ANTXR1: variants seen among roughly 807,000 people sequenced by gnomAD.
The protein encoded by ANTXR1 is anthrax toxin receptor 1.
In ANTXR1, 19 loss-of-function variants were observed where a neutral mutation model predicts 78.1. That is an observed-to-expected ratio of 0.24 (90% confidence interval 0.17 to 0.36). The LOEUF is 0.36. ANTXR1 is among the 10% of genes least tolerant of loss of function. The pLI, the probability that ANTXR1 is intolerant of heterozygous loss-of-function variation, is 1.00. For missense variants in ANTXR1, 518 were observed against 718.6 expected, an observed-to-expected ratio of 0.72 and a Z score of 3.19; for synonymous variants, 273 against 260.5, an observed-to-expected ratio of 1.05 and a Z score of -0.46.
intron 1 of ANTXR1, among the ~76,000 whole-genome samples, chr2:69,036,294 G>C (rs1233398217): frequency 1.3e-5 from 2 of 152,150 alleles, no homozygotes; most frequent in Non-Finnish European, 2.9e-5. Context: ...ATACAGGCAT[G>C]CAATGTGAAA....
Position 69,192,346 on chromosome 2 carries a change from A to C in ANTXR1, c.1354-989A>C, listed in dbSNP as rs1393947735. On this transcript the variant is annotated intron_variant, in intron 16 of 17. Coordinates refer to ENST00000303714, the MANE Select transcript of ANTXR1 (RefSeq NM_032208.3). ...GAGAATTTATTTCCTTGTCTTTTAT[A>C]GATGCTAGAGGCTGCCCACACCCAC... 2.0e-5 allele frequency among the ~76,000 whole-genome samples: 3 copies of C among 152,156 alleles called. No individual in the cohort carries two copies. In the East Asian group the frequency reaches 5.8e-4, roughly 29 times the overall value.
At chr2:69,215,613 G>A (rs558421957) in intron 17 of ANTXR1, among the ~76,000 whole-genome samples, 45 of 152,228 alleles carry the variant, frequency 3.0e-4, no homozygotes, top group African/African-American at 9.4e-4. Flanking sequence ...GTAAAGTAGC[G>A]TCCCCTCCTC....
intron 1 of ANTXR1, among the ~76,000 whole-genome samples, chr2:69,017,804 A>T (rs1232514130): frequency 6.6e-6 from 1 of 152,204 alleles, no homozygotes; most frequent in Non-Finnish European, 1.5e-5. Flanking sequence ...AAAAGCAAAG[A>T]AACAGCTAGC....
intron 17 of ANTXR1, among the ~76,000 whole-genome samples, chr2:69,198,751 C>T (rs1674712515): frequency 6.6e-6 from 1 of 152,168 alleles, no homozygotes; most frequent in African/African-American, 2.4e-5. Context: ...CACTTCCACC[C>T]CCTCGGTCTG....
chr2:69,198,714 A>G (rs948942315), intron 17 of ANTXR1, among the ~76,000 whole-genome samples: 3 of 152,194 alleles, frequency 2.0e-5, no homozygotes, highest in African/African-American at 4.8e-5. Flanking sequence ...TCAAGAGAAC[A>G]TACATTTTCA....
chr2:69,039,782 G>GT (rs1669558277), intron 1 of ANTXR1, among the ~76,000 whole-genome samples: 1 of 151,970 alleles, frequency 6.6e-6, no homozygotes, highest in Non-Finnish European at 1.5e-5. Flanking sequence ...TGTTGTTGCT[G>GT]TTGTTGTTTT....
At chr2:69,199,345 C>A (rs1674723120) in intron 17 of ANTXR1, among the ~76,000 whole-genome samples, 1 of 152,186 alleles carries the variant, frequency 6.6e-6, no homozygotes, top group East Asian at 1.9e-4. Flanking sequence ...ACCAAACAAA[C>A]TTCAGAGTAC....
At chr2:69,103,322 T>G (rs1362825911) in intron 10 of ANTXR1, 6 of 341,550 alleles carry the variant, frequency 1.8e-5, no homozygotes, top group Non-Finnish European at 3.4e-5. Context: ...GATGGTTAAT[T>G]AGGACTGCAG....
At position 69,064,419 on chromosome 2, in the gene ANTXR1, A is replaced by G. The variant is rs577557444; in HGVS notation, c.297-6228A>G. Among the ~76,000 whole-genome samples, 9 of 152,270 alleles carry G rather than the reference A, an allele frequency of 5.9e-5. No homozygotes were observed. The East Asian group carries it at 1.7e-3, about 29-fold the overall frequency. ...CAACAGTCCAACAAAACAAACTCCA[A>G]TATTCTTGTGCTAATGGAGCCTTAG... On this transcript the variant is annotated intron_variant, in intron 3 of 17. Coordinates refer to ENST00000303714, the MANE Select transcript of ANTXR1 (RefSeq NM_032208.3).
At chr2:69,172,636 A>C (rs1674020639) in intron 14 of ANTXR1, 2 of 863,986 alleles carry the variant, frequency 2.3e-6, no homozygotes, top group Non-Finnish European at 3.0e-6. Context: ...TCATATTCTG[A>C]GAGAGGCATG....
intron 3 of ANTXR1, among the ~76,000 whole-genome samples, chr2:69,056,968 C>A (rs553734556): frequency 6.6e-6 from 1 of 152,240 alleles, no homozygotes; most frequent in East Asian, 1.9e-4. Flanking sequence ...CATGAGCCAC[C>A]ACAACCAGCC....
At chr2:69,145,444 C>T in intron 12 of ANTXR1, 1 of 1,552,014 alleles carries the variant, frequency 6.4e-7, no homozygotes, top group Non-Finnish European at 8.7e-7. Flanking sequence ...GCCAAACATG[C>T]TCGGTTTACA....
intron 14 of ANTXR1, among the ~76,000 whole-genome samples, chr2:69,179,977 A>G (rs1674232830): frequency 6.6e-6 from 1 of 152,232 alleles, no homozygotes; most frequent in Non-Finnish European, 1.5e-5. Context: ...CAAGTAAGAG[A>G]GAGAGAGACA....
In ANTXR1 at chr2:69,246,389, C is replaced by T. The variant is rs1020664243; in HGVS notation, c.*904C>T. The T allele has an allele frequency of 6.6e-6, 1 of 152,194 alleles. No homozygotes were observed. Among genetic ancestry groups the T allele is most frequent in the Non-Finnish European group, 1.5e-5 (1 of 68,038 alleles). 9.4% of individuals were successfully genotyped at this position (152,194 alleles called of 1,614,324 possible). A position where few individuals can be genotyped will look rare whatever the true frequency, so the allele number is the denominator to read the frequency against. On this transcript the variant is annotated 3_prime_UTR_variant, in exon 18 of 18. Coordinates refer to ENST00000303714, the MANE Select transcript of ANTXR1 (RefSeq NM_032208.3). ...AAATCACTTGAGGTATGAAGTTTAT[C>T]CTGTTTTCCAGAGATAAACATAAGT...
chr2:69,095,506 C>G (rs946259319), intron 9 of ANTXR1, among the ~76,000 whole-genome samples: 3 of 152,198 alleles, frequency 2.0e-5, no homozygotes, highest in Non-Finnish European at 4.4e-5. Flanking sequence ...ATCACAGAGA[C>G]TGAGGCCAGG....
At chr2:69,203,964 T>G (rs1674834961) in intron 17 of ANTXR1, among the ~76,000 whole-genome samples, 1 of 152,188 alleles carries the variant, frequency 6.6e-6, no homozygotes, top group Admixed American at 6.5e-5. Context: ...TTCTCCGACC[T>G]CATTTTTTCC....
chr2:69,102,142 G>A (rs2104317086), intron 9 of ANTXR1, among the ~76,000 whole-genome samples: 1 of 152,344 alleles, frequency 6.6e-6, no homozygotes, highest in Non-Finnish European at 1.5e-5. Flanking sequence ...CCACTGCTAA[G>A]AAAGACTTTG....
At chr2:69,204,226 T>C (rs1284956806) in intron 17 of ANTXR1, among the ~76,000 whole-genome samples, 1 of 152,198 alleles carries the variant, frequency 6.6e-6, no homozygotes, top group Non-Finnish European at 1.5e-5. Context: ...AGTTCTGTTC[T>C]GGCCAGAAAG....
chr2:69,137,319 G>GA (rs1309721781), intron 12 of ANTXR1, among the ~76,000 whole-genome samples: 2 of 152,072 alleles, frequency 1.3e-5, no homozygotes, highest in Non-Finnish European at 2.9e-5. Flanking sequence ...CTGAATATCA[G>GA]AAAACCAAGC....
Sources: gnomAD v4.1 joint callset for allele counts (sites outside exome capture counted in the v4.1 genomes callset) on GRCh38, gnomAD v4.1.1 for gene constraint, MANE v1.5 for transcripts, NCBI Gene and HGNC (gene_info 2026-07-23, HGNC 2026-07-21) for gene names.